SPATA19: variants seen among roughly 807,000 people sequenced by gnomAD.
SPATA19 encodes the protein spermatogenesis associated 19.
Under a neutral mutation model 25.0 loss-of-function variants are expected in SPATA19, and 19 were observed. That is an observed-to-expected ratio of 0.76 (90% CI 0.53 to 1.11). The LOEUF is 1.11. SPATA19 is among the 50% of genes most tolerant of loss of function. The pLI is 0.00. For missense variants in SPATA19, 222 were observed against 211.4 expected (o/e 1.05, Z -0.31); for synonymous variants, 64 against 69.3 (o/e 0.92, Z 0.38).
downstream of SPATA19, among the ~76,000 whole-genome samples, chr11:133,839,254 C>T (rs556641942): frequency 0.021 from 3,234 of 152,236 alleles, 82 homozygotes; most frequent in African/African-American, 0.059. Context: ...CGGCACTATT[C>T]ACAATAGCAA....
rs547974019 is a variant in SPATA19, at chr11:133,840,897, C to T, written c.*36G>A. On this transcript the variant is annotated 3_prime_UTR_variant, in exon 7 of 7. Transcript: ENST00000299140. ...CTGATGATGACTCCCTGTAACCCCA[C>T]TGTTCTCCGCGTTCCCAAAGCTCCA... The T allele has an allele frequency of 2.0e-4, 30 of 152,310 alleles. No homozygotes were observed. Among genetic ancestry groups the T allele is most frequent in the African/African-American group, 7.2e-4 (30 of 41,556 alleles). 9.4% of individuals were successfully genotyped at this position (152,310 alleles called of 1,614,324 possible). A position where few individuals can be genotyped will look rare whatever the true frequency, so the allele number is the denominator to read the frequency against.
intron 4 of SPATA19, 33 bp downstream of exon 4, chr11:133,844,213 C>G: frequency 6.3e-7 from 1 of 1,585,552 alleles, no homozygotes; most frequent in Non-Finnish European, 8.7e-7. Context: ...TCTCCCTCCC[C>G]TTCCTTCGCC....
intron 1 of SPATA19, 72 bp from the exon 2 acceptor site, chr11:133,845,262 C>G: frequency 6.8e-7 from 1 of 1,468,702 alleles, no homozygotes; most frequent in Non-Finnish European, 9.5e-7. Context: ...GCCCCCGCAA[C>G]TGTTACTCAA....
Position 133,845,466 on chromosome 11 carries a change from C to A in SPATA19, c.-20G>T. 6.2e-7 allele frequency: 1 copy of A among 1,613,328 alleles called. No individual in the cohort carries two copies. Among genetic ancestry groups the A allele is most frequent in the Non-Finnish European group, 8.5e-7 (1 of 1,179,644 alleles). On this transcript the variant is annotated 5_prime_UTR_variant, in exon 1 of 7. Transcript: ENST00000299140. ...TATCATCTTTGAATGTATACCAGGCCCCCTTCTTGGCTCCCTCCTTCCATT... is the reference window on the plus strand; with the variant it reads ...TATCATCTTTGAATGTATACCAGGCACCCTTCTTGGCTCCCTCCTTCCATT...
intron 2 of SPATA19, 144 bp from the exon 3 acceptor site, chr11:133,844,784 C>G: frequency 1.0e-6 from 1 of 1,004,218 alleles, no homozygotes; most frequent in Non-Finnish European, 1.4e-6. Context: ...CTCACTGTTC[C>G]CACAATAAGC....
Position 133,842,663 on chromosome 11 carries a change from G to A in SPATA19, c.360-101C>T, listed in dbSNP as rs113588240. ...TGGGATCCTGCAAACAATGACTCTTGCCCTGACACCATGAACTTTTGAGCT... is the reference window on the plus strand; with the variant it reads ...TGGGATCCTGCAAACAATGACTCTTACCCTGACACCATGAACTTTTGAGCT... On this transcript the variant is annotated intron_variant, in intron 4 of 6. Coordinates refer to ENST00000299140, the MANE Select transcript of SPATA19 (RefSeq NM_174927.3). 9.7e-6 allele frequency: 9 copies of A among 926,914 alleles called. 1 individual carries two copies. The African/African-American group carries it at 1.5e-4, about 15-fold the overall frequency. 57.4% of individuals were successfully genotyped at this position (926,914 alleles called of 1,614,324 possible).
At chr11:133,841,297 T>A (rs1198138802) in intron 6 of SPATA19, among the ~76,000 whole-genome samples, 1 of 152,184 alleles carries the variant, frequency 6.6e-6, no homozygotes, top group Non-Finnish European at 1.5e-5. Context: ...TTGGATCAAA[T>A]GATAAACCCT....
intron 4 of SPATA19, among the ~76,000 whole-genome samples, chr11:133,844,000 A>T (rs1938365480): frequency 6.6e-6 from 1 of 152,246 alleles, no homozygotes; most frequent in South Asian, 2.1e-4. Context: ...TCTGAAATGT[A>T]TTCAGAAGCA....
downstream of SPATA19, among the ~76,000 whole-genome samples, chr11:133,838,797 T>A (rs1432420490): frequency 1.3e-5 from 2 of 152,184 alleles, no homozygotes; most frequent in Non-Finnish European, 2.9e-5. Context: ...AAAGGGCTAA[T>A]ATCCACAGTC....
rs773527373 is a variant in SPATA19 at position 133,845,490 on chromosome 11, T to C, written c.-44A>G. The C allele has an allele frequency of 1.7e-5, 27 of 1,605,992 alleles. No individual in the cohort carries two copies. Among genetic ancestry groups the C allele is most frequent in the South Asian group, 5.5e-5 (5 of 90,644 alleles). Reference sequence around the variant, plus strand: ...CCCCCTTCTTGGCTCCCTCCTTCCATTGAAGCTGCCTGAGAACTCCTATGG... The same window carrying C: ...CCCCCTTCTTGGCTCCCTCCTTCCACTGAAGCTGCCTGAGAACTCCTATGG... On this transcript the variant is annotated 5_prime_UTR_variant, in exon 1 of 7. An upstream start codon of the reference 5' UTR is lost. Transcript: ENST00000299140.
chr11:133,841,223 G>A (rs757250111), intron 6 of SPATA19, among the ~76,000 whole-genome samples: 6 of 152,124 alleles, frequency 3.9e-5, no homozygotes, highest in Non-Finnish European at 7.4e-5. Context: ...ATCTGCTCCC[G>A]GGCTTGACTT....
chr11:133,842,255 C>G (rs1476828979), intron 5 of SPATA19, 150 bp from the exon 6 acceptor site: 35 of 824,068 alleles, frequency 4.2e-5, no homozygotes, highest in Non-Finnish European at 7.1e-5. Flanking sequence ...TATGAACAGG[C>G]CCACAGCCTG....
At chr11:133,841,880 C>T in intron 6 of SPATA19, 150 bp downstream of exon 6, 1 of 730,300 alleles carries the variant, frequency 1.4e-6, no homozygotes, top group Non-Finnish European at 2.3e-6. Flanking sequence ...GGCAGCCAGC[C>T]CTCCTCTCCC....
chr11:133,837,314 A>G (rs1938230122), downstream of SPATA19, among the ~76,000 whole-genome samples: 1 of 152,220 alleles, frequency 6.6e-6, no homozygotes, highest in Non-Finnish European at 1.5e-5. Context: ...CCAGGCACAC[A>G]AAATTCCACA....
rs773313219 is a variant in SPATA19, at chr11:133,842,502, T to C, written c.420A>G (p.Ile140Met). ...EMTEDIMRDR[I>M]EQVRRSISRL... ...CAGCTTACCTTCGTCTCACCTGCTC[T>C]ATTCGATCTCGCATGATGTCCTCTG... Residue 140 changes from isoleucine (I) to methionine (M), a missense_variant, in exon 5 of 7, where the codon ATA becomes ATG. Transcript: ENST00000299140. 2.5e-6 allele frequency: 4 copies of C among 1,614,016 alleles called. No individual in the cohort carries two copies. In the South Asian group the frequency reaches 4.4e-5, roughly 18 times the overall value.
chr11:133,839,823 C>T (rs1046909239), downstream of SPATA19, among the ~76,000 whole-genome samples: 3 of 151,762 alleles, frequency 2.0e-5, no homozygotes, highest in Admixed American at 1.3e-4. Context: ...ATATGTGTAA[C>T]GGGAAGACAA....
chr11:133,844,350 G>A lies in SPATA19; in HGVS notation c.268-13C>T. 6.2e-7 allele frequency: 1 copy of A among 1,614,050 alleles called. No individual in the cohort carries two copies. Among genetic ancestry groups the A allele is most frequent in the Non-Finnish European group, 8.5e-7 (1 of 1,179,930 alleles). ...GGTGGTGCTTCACCTGGGAAATCCA[G>A]AGGGTCCATGTGATTCCTGCCCAGT... On this transcript the variant is annotated splice_polypyrimidine_tract_variant and intron_variant, in intron 3 of 6. Coordinates refer to ENST00000299140, the MANE Select transcript of SPATA19 (RefSeq NM_174927.3).
chr11:133,843,353 G>T (rs911264557), intron 4 of SPATA19, among the ~76,000 whole-genome samples: 3 of 152,082 alleles, frequency 2.0e-5, no homozygotes, highest in African/African-American at 7.2e-5. Context: ...GATTTTAGGG[G>T]CCTCAGAAGG....
At chr11:133,842,371 G>T in intron 5 of SPATA19, 114 bp downstream of exon 5, 1 of 851,524 alleles carries the variant, frequency 1.2e-6, no homozygotes, top group Non-Finnish European at 2.0e-6. Flanking sequence ...CTCTGCTCTT[G>T]ATGTTGGCAT....
Sources: gnomAD v4.1 joint callset for allele counts (sites outside exome capture counted in the v4.1 genomes callset) on GRCh38, gnomAD v4.1.1 for gene constraint, MANE v1.5 for transcripts, NCBI Gene and HGNC (gene_info 2026-07-23, HGNC 2026-07-21) for gene names.